Variants in RGS7 observed in about 807,000 individuals in gnomAD.
The protein encoded by RGS7 is regulator of G-protein signaling 7.
Under a neutral mutation model 81.1 loss-of-function variants are expected in RGS7, and 27 were observed. That is an observed-to-expected ratio of 0.33 (90% CI 0.25 to 0.46). The LOEUF (loss-of-function observed/expected upper bound fraction) is 0.46, where lower values mean the gene tolerates loss of function less well. Among genes scored for constraint, RGS7 ranks in the 20% least tolerant of loss-of-function variants. RGS7 has a pLI of 1.00. For synonymous variants in RGS7, 208 were observed against 207.7 expected (o/e 1.00, Z -0.01); for missense variants, 396 against 607.4 (o/e 0.65, Z 3.66).
intron 3 of RGS7, among the ~76,000 whole-genome samples, chr1:241,094,298 C>A (rs2064101156): frequency 1.3e-5 from 2 of 151,550 alleles, no homozygotes; most frequent in East Asian, 3.9e-4. Flanking sequence ...CACACTTCAC[C>A]AAAGTTCTGG....
At chr1:241,236,169 C>T (rs2075965352) in intron 2 of RGS7, among the ~76,000 whole-genome samples, 1 of 145,388 alleles carries the variant, frequency 6.9e-6, no homozygotes, top group Non-Finnish European at 1.5e-5. Flanking sequence ...TGACGACCTC[C>T]GCCCCCCATA....
At chr1:241,093,701 A>G (rs758498979) in intron 3 of RGS7, among the ~76,000 whole-genome samples, 7 of 152,252 alleles carry the variant, frequency 4.6e-5, no homozygotes, top group Non-Finnish European at 7.3e-5. Flanking sequence ...CTAATGAATT[A>G]GAATATCTGT....
chr1:241,321,818 T>TTG (rs1201170650), intron 2 of RGS7, among the ~76,000 whole-genome samples: 1 of 152,214 alleles, frequency 6.6e-6, no homozygotes, highest in East Asian at 1.9e-4. Flanking sequence ...GTGGCACTGA[T>TTG]TGACAGTGTA....
chr1:241,288,425 CT>C (rs2078930543), intron 2 of RGS7, among the ~76,000 whole-genome samples: 1 of 152,128 alleles, frequency 6.6e-6, no homozygotes, highest in South Asian at 2.1e-4. Context: ...CCAAGTATGC[CT>C]GTTATTGTTC....
chr1:240,997,822 T>C (rs1463331437), intron 3 of RGS7, among the ~76,000 whole-genome samples: 2 of 152,206 alleles, frequency 1.3e-5, no homozygotes, highest in Non-Finnish European at 2.9e-5. Flanking sequence ...AGACTTTGTC[T>C]CAGGAAAAAA....
At chr1:240,864,040 T>C (rs772893609) in intron 9 of RGS7, among the ~76,000 whole-genome samples, 4 of 152,064 alleles carry the variant, frequency 2.6e-5, no homozygotes, top group Non-Finnish European at 1.5e-5. Context: ...CCTGAGTACG[T>C]CCTATAAACA....
intron 10 of RGS7, among the ~76,000 whole-genome samples, chr1:240,825,801 T>C (rs1382336787): frequency 6.6e-6 from 1 of 152,198 alleles, no homozygotes; most frequent in East Asian, 1.9e-4. Context: ...TGATCTATAC[T>C]GAATATGGTG....
chr1:240,920,095 C>T (rs2148295807), intron 6 of RGS7: 1 of 928,120 alleles, frequency 1.1e-6, no homozygotes, highest in East Asian at 2.4e-5. Context: ...AGAGGCTTTG[C>T]CTTTGTAATC....
chr1:241,026,798 G>A (rs1374920321), intron 3 of RGS7, among the ~76,000 whole-genome samples: 2 of 146,374 alleles, frequency 1.4e-5, no homozygotes, highest in Non-Finnish European at 3.1e-5. Context: ...TGAGTGAGAG[G>A]GACTACTTGG....
rs151264554 is a variant in RGS7 at position 241,028,573 on chromosome 1, C to G, written c.176-45444G>C. Among the ~76,000 whole-genome samples, 105 of 152,082 alleles carry G rather than the reference C, an allele frequency of 6.9e-4. 1 individual carries two copies. Among genetic ancestry groups the G allele is most frequent in the South Asian group, 4.2e-4 (2 of 4,814 alleles). On this transcript the variant is annotated intron_variant, in intron 3 of 18. Transcript: ENST00000440928. ...AGGGAGGAGGAGAGCCAGGAGAGCA[C>G]GGGATGAAAGAAGCCCATCAAAGAA...
chr1:240,792,711 A>G (rs1316739954), intron 18 of RGS7, among the ~76,000 whole-genome samples: 1 of 152,222 alleles, frequency 6.6e-6, no homozygotes, highest in Non-Finnish European at 1.5e-5. Context: ...TGTTCACTGA[A>G]CAGTTAACTT....
intron 2 of RGS7, among the ~76,000 whole-genome samples, chr1:241,169,284 T>C (rs372040224): frequency 7.2e-5 from 11 of 152,086 alleles, no homozygotes; most frequent in African/African-American, 2.7e-4. Flanking sequence ...AGTCCTTTTT[T>C]CATCCACAAA....
chr1:241,174,078 T>A (rs538142133), intron 2 of RGS7, among the ~76,000 whole-genome samples: 38 of 152,214 alleles, frequency 2.5e-4, no homozygotes, highest in Non-Finnish European at 4.3e-4. Context: ...CTGTGTTTAA[T>A]GAGAATTATA....
At chr1:241,056,912 C>T (rs2061501723) in intron 3 of RGS7, among the ~76,000 whole-genome samples, 1 of 152,152 alleles carries the variant, frequency 6.6e-6, no homozygotes, top group South Asian at 2.1e-4. Context: ...TTAATGGATT[C>T]CACTTTTCTT....
rs544395184 is a variant in RGS7 at position 241,271,966 on chromosome 1, C to G, written c.78+83733G>C. Among the ~76,000 whole-genome samples the G allele has an allele frequency of 6.2e-5, 9 of 145,576 alleles. No individual in the cohort carries two copies. Among genetic ancestry groups the G allele is most frequent in the South Asian group, 2.3e-4 (1 of 4,430 alleles). ...TATTGGTTCTGTTTCTCTGGAGAAC[C>G]CTGACTACTAGAATTTCTTTTTTTT... On this transcript the variant is annotated intron_variant, in intron 2 of 18. Coordinates refer to ENST00000440928, the MANE Select transcript of RGS7 (RefSeq NM_001364886.1). The surrounding 1 kb of genome is among the most constrained non-coding windows in gnomAD (Gnocchi z 4.6).
intron 2 of RGS7, among the ~76,000 whole-genome samples, chr1:241,209,822 GCCAGAC>G (rs531621708): frequency 1.1e-3 from 167 of 152,148 alleles, no homozygotes; most frequent in Middle Eastern, 6.8e-3. Context: ...GGGTGTCAGA[GCCAGAC>G]CCTGTCTCCA....
chr1:240,883,191 G>A (rs1666728214), intron 6 of RGS7, among the ~76,000 whole-genome samples: 3 of 138,482 alleles, frequency 2.2e-5, no homozygotes, highest in African/African-American at 5.4e-5. Context: ...GGGGTGGGGG[G>A]ATGGGGGAGG....
In RGS7 at chr1:240,806,130, G is replaced by A. The variant is rs377003712; in HGVS notation, c.1269+10C>T. 16 of 1,611,280 alleles carry A rather than the reference G, an allele frequency of 9.9e-6. No homozygotes were observed. The African/African-American group carries it at 1.2e-4, about 12-fold the overall frequency. The stretch of plus-strand genomic sequence containing the variant: ...GCACGTTTGTGGTGTGAGGCTCACC[G>A]TACACCCACCTGAGCATCTTCAAAT... On this transcript the variant is annotated intron_variant, in intron 15 of 18. Transcript: ENST00000440928.
chr1:240,904,415 T>G (rs1279774929), intron 6 of RGS7, among the ~76,000 whole-genome samples: 1 of 152,188 alleles, frequency 6.6e-6, no homozygotes, highest in South Asian at 2.1e-4. Context: ...GAGAATAAAA[T>G]TAACTTATTT....
Sources: gnomAD v4.1 joint callset for allele counts (sites outside exome capture counted in the v4.1 genomes callset) on GRCh38, gnomAD v4.1.1 for gene constraint, Gnocchi (gnomAD v3.1) non-coding constraint, MANE v1.5 for transcripts, NCBI Gene and HGNC (gene_info 2026-07-23, HGNC 2026-07-21) for gene names.